Variants in SDK2 observed in about 807,000 individuals in gnomAD.
SDK2 encodes sidekick cell adhesion molecule 2, also known as protein sidekick-2.
A neutral mutation model predicts 253.9 loss-of-function variants in SDK2; 105 were observed. The observed-to-expected ratio is 0.41, with a 90% CI of 0.35 to 0.49. The LOEUF (loss-of-function observed/expected upper bound fraction) is 0.49. SDK2 is among the 20% of genes least tolerant of loss of function. SDK2 has a pLI of 0.06. For synonymous variants in SDK2, 1,249 were observed against 1,234.9 expected (o/e 1.01, Z -0.24); for missense variants, 2,608 against 3,003.0 (o/e 0.87, Z 3.07).
chr17:73,440,944 A>G, intron 5 of SDK2, 21 bp from the exon 6 acceptor site: 2 of 1,499,714 alleles, frequency 1.3e-6, no homozygotes, highest in Non-Finnish European at 1.8e-6. Flanking sequence ...ATCAGATGTT[A>G]GCTGGGGGCG....
chr17:73,509,896 T>A, intron 1 of SDK2, among the ~76,000 whole-genome samples: 1 of 25,100 alleles, frequency 4.0e-5, no homozygotes, highest in Non-Finnish European at 6.1e-5. Context: ...CAAGACTCCA[T>A]CTCTACAAAA....
At position 73,407,650 on chromosome 17, in the gene SDK2, C is replaced by T. The variant is rs372910438; in HGVS notation, c.2485-5509G>A. ...GGGGAGTCTCACTATATTGCCTAGG[C>T]TGGTCTTGAACTCCTGGCCTCAAGC... On this transcript the variant is annotated intron_variant, in intron 18 of 44. Coordinates refer to ENST00000392650, the MANE Select transcript of SDK2 (RefSeq NM_001144952.2). Among the ~76,000 whole-genome samples, 21 of 152,244 alleles carry T rather than the reference C, an allele frequency of 1.4e-4. No homozygotes were observed. In the East Asian group the frequency reaches 1.7e-3, roughly 13 times the overall value.
At chr17:73,554,681 C>G (rs1286372674) in intron 1 of SDK2, among the ~76,000 whole-genome samples, 1 of 152,228 alleles carries the variant, frequency 6.6e-6, no homozygotes, top group Admixed American at 6.5e-5. Context: ...AACTAATACA[C>G]ACTTCTGTGC....
rs2062989827 is a variant in SDK2, at chr17:73,398,343, G to T, written c.3180C>A (p.Asp1060Glu). Reference protein sequence around the residue: ...EPDARSMEVPDLNPFTCYSFR... With the variant: ...EPDARSMEVPELNPFTCYSFR... The stretch of plus-strand genomic sequence containing the variant: ...ACCTGTAGCAGGTGAAGGGGTTGAG[G>T]TCGGGCACCTCCATGGAGCGGGCAT... Residue 1060 changes from aspartate to glutamate, a missense_variant, in exon 23 of 45, where the codon GAC (aspartate) becomes GAA (glutamate). Around this residue, in one of 2 missense-constraint regions of SDK2, gnomAD observed 1,505 missense variants for 1,859.1 expected, o/e 0.81. Transcript: ENST00000392650. 1.9e-6 allele frequency: 3 copies of T among 1,614,010 alleles called. No individual in the cohort carries two copies. The highest frequency in any genetic ancestry group is 2.5e-6 in the Non-Finnish European group (3 of 1,179,866).
chr17:73,438,355 G>A (rs371214601), intron 6 of SDK2, among the ~76,000 whole-genome samples: 1 of 152,178 alleles, frequency 6.6e-6, no homozygotes, highest in Non-Finnish European at 1.5e-5. Flanking sequence ...TAAAGTGGGC[G>A]CATCTGTGCC....
chr17:73,603,206 G>A lies in SDK2; in HGVS notation c.64+40819C>T, dbSNP rs1599718053. ...GTGCTGGCCATAGGGGTGCACAGGT[G>A]AAGAGTCTCCAGGTCCCGGCCTCAG... On this transcript the variant is annotated intron_variant, in intron 1 of 44. Transcript: ENST00000392650. 2.0e-5 allele frequency among the ~76,000 whole-genome samples: 3 copies of A among 152,196 alleles called. 1 individual carries two copies. The South Asian group carries it at 6.2e-4, about 32-fold the overall frequency.
At chr17:73,576,131 G>C (rs1053581897) in intron 1 of SDK2, among the ~76,000 whole-genome samples, 6 of 152,186 alleles carry the variant, frequency 3.9e-5, no homozygotes, top group Non-Finnish European at 4.4e-5. Flanking sequence ...GGGATGCCTG[G>C]GAGGAAGGTG....
intron 1 of SDK2, among the ~76,000 whole-genome samples, chr17:73,602,787 C>T (rs1435886996): frequency 6.6e-6 from 1 of 151,974 alleles, no homozygotes; most frequent in Non-Finnish European, 1.5e-5. Flanking sequence ...AGTGCAGTGG[C>T]GTGATCTCGG....
intron 1 of SDK2, among the ~76,000 whole-genome samples, chr17:73,532,773 T>C (rs2064180109): frequency 6.6e-6 from 1 of 151,986 alleles, no homozygotes; most frequent in African/African-American, 2.4e-5. Context: ...CGGGGCTTAG[T>C]TGCATCCCAG....
Position 73,338,538 on chromosome 17 carries a change from AAGG to A in SDK2, c.*46_*48del. 1 of 1,109,574 alleles carries A rather than the reference AAGG, an allele frequency of 9.0e-7. No individual in the cohort carries two copies. Among genetic ancestry groups the A allele is most frequent in the Non-Finnish European group, 1.3e-6 (1 of 778,980 alleles). The allele number at this position is 1,109,574 out of a possible 1,614,324, so 68.7% of individuals were successfully genotyped here. ...CTGGCAGGCAGTGAGAGGAGGGGTG[AAGG>A]AGGAGTTTGGTGCCATTTCTCTTTC... is the stretch of plus-strand genomic sequence containing the variant. On this transcript the variant is annotated 3_prime_UTR_variant, in exon 45 of 45. Coordinates refer to ENST00000392650, the MANE Select transcript of SDK2 (RefSeq NM_001144952.2). This position sits in a 1 kb window ranked among gnomAD's most constrained non-coding sequence, Gnocchi z 5.0.
intron 12 of SDK2, 25 bp downstream of exon 12, chr17:73,430,486 C>CCTCT (rs1347843749): frequency 1.3e-6 from 2 of 1,561,286 alleles, no homozygotes; most frequent in Non-Finnish European, 1.8e-6. Context: ...CCCCTCTTGC[C>CCTCT]TGGAGTCAAC....
chr17:73,483,349 T>A (rs2063739093), intron 2 of SDK2, among the ~76,000 whole-genome samples: 1 of 143,318 alleles, frequency 7.0e-6, no homozygotes, highest in South Asian at 2.4e-4. Flanking sequence ...GTCTCATCCT[T>A]TTGCTCAGGC....
chr17:73,355,174 A>ATATATATATATATATATATATATTT, intron 40 of SDK2, among the ~76,000 whole-genome samples: 1 of 47,228 alleles, frequency 2.1e-5, no homozygotes, highest in Admixed American at 1.8e-4. Context: ...ATATATATAT[A>ATATATATATATATATATATATATTT]TTTTTTTTTT....
Position 73,424,015 on chromosome 17 carries a change from A to G in SDK2, c.1661T>C (p.Leu554Pro). 6.2e-7 allele frequency: 1 copy of G among 1,612,438 alleles called. No homozygotes were observed. The highest frequency in any genetic ancestry group is 8.5e-7 in the Non-Finnish European group (1 of 1,179,444). ...PRIRLDRNGS[L>P]HISQTWSGDI... ...TCCCGACCACGTCTGTGAGATGTGC[A>G]GGGAGCCGTTTCTGTCCAGGCGGAT... Residue 554 changes from leucine (L) to proline (P), a missense_variant, in exon 13 of 45, where the codon CTG becomes CCG. Leu to Pro is a moderately conservative substitution (Grantham distance 98). Around this residue, in one of 2 missense-constraint regions of SDK2, gnomAD observed 1,505 missense variants for 1,859.1 expected, o/e 0.81. Coordinates refer to ENST00000392650, the MANE Select transcript of SDK2 (RefSeq NM_001144952.2).
chr17:73,559,659 G>A (rs1298761205), intron 1 of SDK2, among the ~76,000 whole-genome samples: 1 of 119,256 alleles, frequency 8.4e-6, no homozygotes, highest in African/African-American at 3.3e-5. Flanking sequence ...TCCAGCCTCC[G>A]AAGGGCCACC....
intron 36 of SDK2, among the ~76,000 whole-genome samples, chr17:73,372,703 T>C (rs1433251151): frequency 6.6e-6 from 1 of 151,718 alleles, no homozygotes; most frequent in Non-Finnish European, 1.5e-5. Context: ...ATCACACCAC[T>C]GCACTCCAGC....
intron 1 of SDK2, among the ~76,000 whole-genome samples, chr17:73,630,988 C>T (rs925886893): frequency 6.6e-6 from 1 of 152,156 alleles, no homozygotes; most frequent in Non-Finnish European, 1.5e-5. Flanking sequence ...CAACACCTCC[C>T]TTCTCTGTCT....
At chr17:73,457,553 G>C (rs2063537596) in intron 3 of SDK2, among the ~76,000 whole-genome samples, 1 of 151,598 alleles carries the variant, frequency 6.6e-6, no homozygotes, top group South Asian at 2.1e-4. Context: ...GTTTCGCCAT[G>C]TTGGCCAGGC....
chr17:73,394,238 C>T lies in SDK2; in HGVS notation c.3679G>A (p.Asp1227Asn). 1 of 1,593,820 alleles carries T rather than the reference C, an allele frequency of 6.3e-7. No homozygotes were observed. Among genetic ancestry groups the T allele is most frequent in the Non-Finnish European group, 8.6e-7 (1 of 1,166,666 alleles). Residue 1227 changes from aspartate (D) to asparagine (N), a missense_variant, in exon 26 of 45, where the codon GAT becomes AAT. Asp to Asn is a conservative substitution (Grantham distance 23). Transcript: ENST00000392650. ...TAGCCCAGCACGAGCCCGTTGCGAT[C>T]AGCCTCGGGGACCTCGCTCCAGCGC... is the stretch of plus-strand genomic sequence containing the variant. ...LVRWSEVPEA[D>N]RNGLVLGYKV...
Sources: gnomAD v4.1 joint callset for allele counts (sites outside exome capture counted in the v4.1 genomes callset) on GRCh38, gnomAD v4.1.1 for gene constraint, gnomAD v4.1.1 regional missense constraint, Gnocchi (gnomAD v3.1) non-coding constraint, MANE v1.5 for transcripts, NCBI Gene and HGNC (gene_info 2026-07-23, HGNC 2026-07-21) for gene names.